Variants in ARMC3 observed in about 807,000 individuals in gnomAD.
The protein encoded by ARMC3 is armadillo repeat-containing protein 3.
In ARMC3, 74 loss-of-function variants were observed where a neutral mutation model predicts 90.3. That is an observed-to-expected ratio of 0.82 (90% CI 0.68 to 0.99). ARMC3 has a LOEUF of 0.99. Ranked by LOEUF, ARMC3 falls within the 50% of genes least tolerant of loss-of-function variation. ARMC3 has a pLI of 0.00. For missense variants in ARMC3, 958 were observed against 1,042.8 expected, an observed-to-expected ratio of 0.92 and a Z score of 1.12; for synonymous variants, 334 against 361.8, an observed-to-expected ratio of 0.92 and a Z score of 0.87.
At chr10:22,971,161 T>C (rs553705693) in intron 8 of ARMC3, among the ~76,000 whole-genome samples, 127 of 152,310 alleles carry the variant, frequency 8.3e-4, no homozygotes, top group African/African-American at 2.8e-3. Flanking sequence ...TGCAAATGCA[T>C]AGCACTTGGC....
At chr10:22,974,965 G>A (rs1439177689) in intron 8 of ARMC3, among the ~76,000 whole-genome samples, 2 of 151,930 alleles carry the variant, frequency 1.3e-5, no homozygotes, top group Admixed American at 6.6e-5. Flanking sequence ...AAGAATCACT[G>A]TCATTACATT....
chr10:22,950,329 C>A (rs1834696738), intron 3 of ARMC3, among the ~76,000 whole-genome samples: 1 of 151,886 alleles, frequency 6.6e-6, no homozygotes, highest in Non-Finnish European at 1.5e-5. Flanking sequence ...TATATGGCAA[C>A]AACAGCCCCA....
At chr10:22,966,504 T>A (rs1835446029) in intron 7 of ARMC3, among the ~76,000 whole-genome samples, 2 of 152,202 alleles carry the variant, frequency 1.3e-5, no homozygotes, top group South Asian at 4.1e-4. Flanking sequence ...GGGCATAGTT[T>A]ATACTCAGAT....
intron 1 of ARMC3, among the ~76,000 whole-genome samples, chr10:22,930,487 CACATTTTA>C (rs1833887536): frequency 6.6e-6 from 1 of 152,110 alleles, no homozygotes; most frequent in Admixed American, 6.5e-5. Flanking sequence ...GCGATGCAGG[CACATTTTA>C]ACATTTTAAT....
rs1188080079 is a variant in ARMC3 at position 23,007,698 on chromosome 10, CAAAAAAA to C, written c.1830-565_1830-559del. 2.4e-4 allele frequency among the ~76,000 whole-genome samples: 8 copies of C among 33,686 alleles called. No individual in the cohort carries two copies. The Admixed American group carries it at 2.6e-3, about 11-fold the overall frequency. 22.1% of individuals were successfully genotyped at this position (33,686 alleles called of 152,430 possible). A position where few individuals can be genotyped will look rare whatever the true frequency, so the allele number is the denominator to read the frequency against. On this transcript the variant is annotated intron_variant, in intron 14 of 18. Coordinates refer to ENST00000298032, the MANE Select transcript of ARMC3 (RefSeq NM_173081.5). ...CTGGCAACAGAGCAAGACTCCGTCT[CAAAAAAA>C]AAAAAAAAAAAAGAGAGAGAGCGAG...
At chr10:22,959,691 G>A (rs1835110993) in intron 6 of ARMC3, 117 bp downstream of exon 6, 3 of 962,274 alleles carry the variant, frequency 3.1e-6, no homozygotes, top group Non-Finnish European at 4.6e-6. Context: ...AGATCTTCTT[G>A]TTACTGGTAT....
intron 16 of ARMC3, among the ~76,000 whole-genome samples, chr10:23,009,303 G>A (rs1641822781): frequency 6.6e-6 from 1 of 152,150 alleles, no homozygotes; most frequent in Non-Finnish European, 1.5e-5. Flanking sequence ...TTGCAGGTGG[G>A]GAACCCCACA....
intron 16 of ARMC3, among the ~76,000 whole-genome samples, chr10:23,013,626 T>C (rs1838126525): frequency 6.6e-6 from 1 of 152,150 alleles, no homozygotes; most frequent in Non-Finnish European, 1.5e-5. Flanking sequence ...GGTGAGAACA[T>C]TGAAGATCTA....
intron 17 of ARMC3, chr10:23,031,196 T>A (rs1838913012): frequency 5.7e-6 from 1 of 176,378 alleles, no homozygotes; most frequent in African/African-American, 2.4e-5. Flanking sequence ...CTAATACAAA[T>A]GTCCAATGTC....
chr10:22,977,941 A>G (rs1212834011), intron 8 of ARMC3, among the ~76,000 whole-genome samples: 2 of 152,326 alleles, frequency 1.3e-5, no homozygotes, highest in East Asian at 1.9e-4. Flanking sequence ...TGCCTTAGCC[A>G]TGACATTTTT....
chr10:22,943,778 C>T (rs746610113), intron 2 of ARMC3, among the ~76,000 whole-genome samples: 1 of 151,756 alleles, frequency 6.6e-6, no homozygotes, highest in Non-Finnish European at 1.5e-5. Flanking sequence ...ACTAAAAATA[C>T]AAAAATTAGC....
intron 16 of ARMC3, chr10:23,014,593 A>G: frequency 1.5e-6 from 1 of 688,834 alleles, no homozygotes; most frequent in Non-Finnish European, 1.8e-6. Context: ...AATGTGGTAC[A>G]TATACACCAC....
At position 23,037,485 on chromosome 10, in the gene ARMC3, C is replaced by T; in HGVS notation, c.*6C>T. 6.2e-7 allele frequency: 1 copy of T among 1,608,850 alleles called. No homozygotes were observed. The highest frequency in any genetic ancestry group is 8.5e-7 in the Non-Finnish European group (1 of 1,176,870). On this transcript the variant is annotated 3_prime_UTR_variant, in exon 19 of 19. Transcript: ENST00000298032. ...ATCTTTACAGATTCATTTAAGCCAT[C>T]AGACGAACACAAGAGAGGCTCAAAC...
intron 1 of ARMC3, among the ~76,000 whole-genome samples, chr10:22,929,199 G>A (rs1833829401): frequency 6.6e-6 from 1 of 150,452 alleles, no homozygotes; most frequent in Non-Finnish European, 1.5e-5. Context: ...CTCCAGCCTG[G>A]GCAACAGAGT....
intron 13 of ARMC3, among the ~76,000 whole-genome samples, chr10:23,005,863 CA>C (rs1307505373): frequency 1.3e-5 from 2 of 149,506 alleles, no homozygotes; most frequent in Non-Finnish European, 3.0e-5. Context: ...GACTCCATCT[CA>C]AAAAAGGGGG....
intron 10 of ARMC3, among the ~76,000 whole-genome samples, chr10:22,986,108 A>ACCCCCCCCCC (rs1836414109): frequency 9.0e-6 from 1 of 110,836 alleles, no homozygotes; most frequent in Non-Finnish European, 1.8e-5. Context: ...CCTGCACTGC[A>ACCCCCCCCCC]CGCCCCCCCC....
chr10:23,001,887 T>G lies in ARMC3; in HGVS notation c.1426-32T>G, dbSNP rs370093724. The G allele has an allele frequency of 4.1e-4, 660 of 1,609,210 alleles. 2 individuals are homozygous for G. The African/African-American group carries it at 8.1e-3, about 20-fold the overall frequency. ...GCACAAATAGTTACATTCTACACTC[T>G]TAATGTGTAACATTTTGGTTTCTGC... On this transcript the variant is annotated intron_variant, in intron 11 of 18. Transcript: ENST00000298032.
chr10:22,952,943 T>A (rs1156452053), intron 3 of ARMC3, among the ~76,000 whole-genome samples: 1 of 152,112 alleles, frequency 6.6e-6, no homozygotes, highest in African/African-American at 2.4e-5. Context: ...TACATCAGAA[T>A]CCCTGGAAGC....
intron 7 of ARMC3, among the ~76,000 whole-genome samples, chr10:22,963,910 CACACACACACACAAAAAAAAAAAAA>C (rs922051782): frequency 6.9e-5 from 2 of 29,192 alleles, no homozygotes; most frequent in African/African-American, 2.8e-4. Context: ...CACACACACA[CACACACACACACAAAAAAAAAAAAA>C]AAAAAAAAAA....
Sources: allele counts gnomAD v4.1 joint callset (sites outside exome capture counted in the v4.1 genomes callset), GRCh38; gene constraint gnomAD v4.1.1; transcripts MANE v1.5; gene names NCBI Gene and HGNC (gene_info 2026-07-23, HGNC 2026-07-21).